LNPK: variants seen among roughly 807,000 people sequenced by gnomAD.
LNPK encodes endoplasmic reticulum junction formation protein lunapark.
Under a neutral mutation model 55.2 loss-of-function variants are expected in LNPK, and 29 were observed. The observed-to-expected ratio is 0.53, with a 90% CI of 0.39 to 0.72. LNPK has a LOEUF of 0.72. Among genes scored for constraint, LNPK ranks in the 30% least tolerant of loss-of-function variants. LNPK has a pLI of 0.00. For synonymous variants in LNPK, 162 were observed against 168.2 expected (o/e 0.96, Z 0.29); for missense variants, 467 against 494.8 (o/e 0.94, Z 0.53).
At chr2:175,934,803 A>G (rs1039807694) in intron 12 of LNPK, among the ~76,000 whole-genome samples, 1 of 151,800 alleles carries the variant, frequency 6.6e-6, no homozygotes, top group African/African-American at 2.4e-5. Context: ...AAGACAATCT[A>G]TATCCATAAT....
chr2:175,930,141 T>G lies in LNPK; in HGVS notation c.1113A>C (p.Pro371=). The change falls in exon 13 of 13, where the codon CCA becomes CCC. Residue 371 remains proline, a synonymous_variant. Coordinates refer to ENST00000272748, the MANE Select transcript of LNPK (RefSeq NM_030650.3). ...DNTEQTDDKI[P]ATEQTNQVIE... is the part of the protein sequence containing the mutation. ...TCACTTGGTTTGTCTGTTCTGTAGC[T>G]GGTATTTTGTCATCTGTCTGCTCTG... 1 of 1,613,580 alleles carries G rather than the reference T, an allele frequency of 6.2e-7. No homozygotes were observed. The highest frequency in any genetic ancestry group is 8.5e-7 in the Non-Finnish European group (1 of 1,179,554).
chr2:175,977,373 C>T (rs1267845863), intron 5 of LNPK, among the ~76,000 whole-genome samples: 1 of 151,828 alleles, frequency 6.6e-6, no homozygotes, highest in Non-Finnish European at 1.5e-5. Flanking sequence ...TAGCAGATAC[C>T]ATATTGAACA....
At chr2:175,994,140 C>T in intron 2 of LNPK, 1 of 969,908 alleles carries the variant, frequency 1.0e-6, no homozygotes, top group Non-Finnish European at 1.2e-6. Flanking sequence ...TTACCAATTA[C>T]ATACTCAACA....
chr2:175,960,319 C>A (rs1344728766), intron 8 of LNPK, among the ~76,000 whole-genome samples: 1 of 152,136 alleles, frequency 6.6e-6, no homozygotes, highest in Non-Finnish European at 1.5e-5. Context: ...ATAAAGCACT[C>A]CTCAGCAAAT....
intron 8 of LNPK, among the ~76,000 whole-genome samples, chr2:175,963,283 T>C (rs990140694): frequency 6.6e-6 from 1 of 152,136 alleles, no homozygotes; most frequent in African/African-American, 2.4e-5. Context: ...TTATTCACAA[T>C]AGCAAAGACT....
chr2:175,958,335 C>T (rs1160603474), intron 8 of LNPK, among the ~76,000 whole-genome samples: 8 of 152,016 alleles, frequency 5.3e-5, no homozygotes, highest in Admixed American at 6.5e-5. Flanking sequence ...CTTATACAGC[C>T]GGGTGCCCCT....
At chr2:175,933,109 T>C (rs185176046) in intron 12 of LNPK, among the ~76,000 whole-genome samples, 82 of 152,268 alleles carry the variant, frequency 5.4e-4, no homozygotes, top group Middle Eastern at 3.4e-3. Context: ...TGCAATTTCT[T>C]TCCCCACTCC....
chr2:175,985,432 CGTT>C (rs1687359815), intron 4 of LNPK, among the ~76,000 whole-genome samples: 1 of 152,160 alleles, frequency 6.6e-6, no homozygotes, highest in Non-Finnish European at 1.5e-5. Flanking sequence ...ATATGAAAGA[CGTT>C]GGTCTGTTTT....
chr2:175,994,493 C>T (rs888480657), intron 2 of LNPK, among the ~76,000 whole-genome samples: 2 of 152,110 alleles, frequency 1.3e-5, no homozygotes, highest in Admixed American at 6.5e-5. Flanking sequence ...ACCTTATCTC[C>T]TCTTACTTTT....
intron 2 of LNPK, among the ~76,000 whole-genome samples, chr2:175,994,819 A>ATAT (rs1372352692): frequency 6.6e-6 from 1 of 152,168 alleles, no homozygotes; most frequent in African/African-American, 2.4e-5. Flanking sequence ...TTTAACCTAT[A>ATAT]ATTTCTAAAA....
chr2:175,962,047 T>C (rs1201794113), intron 8 of LNPK, among the ~76,000 whole-genome samples: 2 of 151,972 alleles, frequency 1.3e-5, no homozygotes, highest in Non-Finnish European at 2.9e-5. Context: ...CTCAACGAAA[T>C]AAAAGAGGAC....
chr2:175,977,543 TA>T (rs1397856904), intron 5 of LNPK, among the ~76,000 whole-genome samples: 1 of 152,074 alleles, frequency 6.6e-6, no homozygotes, highest in African/African-American at 2.4e-5. Flanking sequence ...CAAAGAAGCT[TA>T]AAAAGTTTTC....
intron 12 of LNPK, among the ~76,000 whole-genome samples, chr2:175,932,813 C>T (rs1193419978): frequency 6.6e-6 from 1 of 152,100 alleles, no homozygotes; most frequent in African/African-American, 2.4e-5. Context: ...ACAAAAACAG[C>T]AAATTTCTTC....
intron 8 of LNPK, among the ~76,000 whole-genome samples, chr2:175,951,381 C>G (rs149897684): frequency 6.6e-6 from 1 of 151,820 alleles, no homozygotes; most frequent in East Asian, 1.9e-4. Context: ...CCCGCCCTTT[C>G]CCCTGAGTCC....
upstream of LNPK, chr2:176,002,595 C>T (rs1688213172): frequency 5.3e-6 from 1 of 190,168 alleles, no homozygotes; most frequent in South Asian, 7.8e-5. Context: ...TCCTGGTGGT[C>T]TCAGACCGCC....
At chr2:175,979,562 T>A (rs182504860) in intron 5 of LNPK, among the ~76,000 whole-genome samples, 222 of 149,340 alleles carry the variant, frequency 1.5e-3, no homozygotes, top group Non-Finnish European at 2.3e-3. Context: ...TGCCCCTGAC[T>A]CTGTCTCAAA....
chr2:175,934,426 C>T (rs1057378255), intron 12 of LNPK, among the ~76,000 whole-genome samples: 19 of 152,064 alleles, frequency 1.2e-4, no homozygotes, highest in Non-Finnish European at 2.6e-4. Context: ...TGATTAGATG[C>T]CATGAGTTTT....
chr2:175,972,946 G>A (rs1268735046), intron 5 of LNPK, among the ~76,000 whole-genome samples: 1 of 152,120 alleles, frequency 6.6e-6, no homozygotes, highest in Non-Finnish European at 1.5e-5. Context: ...CTTGAGGTCT[G>A]AAAAATTCTA....
intron 9 of LNPK, among the ~76,000 whole-genome samples, chr2:175,941,661 C>G (rs1186979530): frequency 6.6e-6 from 1 of 151,050 alleles, no homozygotes; most frequent in Non-Finnish European, 1.5e-5. Context: ...CGTGGTGGCA[C>G]GCGCCTGTAG....
Sources: allele counts gnomAD v4.1 joint callset (sites outside exome capture counted in the v4.1 genomes callset), GRCh38; gene constraint gnomAD v4.1.1; transcripts MANE v1.5; gene names NCBI Gene and HGNC (gene_info 2026-07-23, HGNC 2026-07-21).